ESCO1: variants seen among roughly 807,000 people sequenced by gnomAD.
ESCO1 encodes the protein establishment of sister chromatid cohesion N-acetyltransferase 1.
ESCO1 carries 33 observed loss-of-function variants against 83.5 expected under a neutral mutation model. The ratio of observed to expected loss-of-function variants is 0.40; its 90% CI spans 0.30 to 0.53. The LOEUF is 0.53. Among genes scored for constraint, ESCO1 ranks in the 20% least tolerant of loss-of-function variants. The pLI, the probability that ESCO1 is intolerant of heterozygous loss-of-function variation, is 0.63. For missense variants in ESCO1, 855 were observed against 968.0 expected, an observed-to-expected ratio of 0.88 and a Z score of 1.55; for synonymous variants, 332 against 324.3, an observed-to-expected ratio of 1.02 and a Z score of -0.25.
rs1417417091 is a variant in ESCO1 at position 21,573,680 on chromosome 18, GTTC to G, written c.1161_1163del (p.Lys387del). ...AGAGTTTAATTTTAGTCCAGTTGGA[GTTC>G]TTCTTGGCTGAGCTGTTTATTCCAT... is the stretch of plus-strand genomic sequence containing the variant. On this transcript the variant is annotated inframe_deletion, in exon 4 of 12. Coordinates refer to ENST00000269214, the MANE Select transcript of ESCO1 (RefSeq NM_052911.3). 1.9e-6 allele frequency: 3 copies of G among 1,614,084 alleles called. No homozygotes were observed. The highest frequency in any genetic ancestry group is 1.1e-5 in the South Asian group (1 of 91,068).
chr18:21,574,455 T>TCAA lies in ESCO1; in HGVS notation c.388_389insTTG (p.Thr129_Glu130insVal), dbSNP rs76680119. ...ACTGCGTAACGACCTTCTTGAAACC[T>TCAA]CTGTTAATTGTTGTAGCCTTTGTGA... On this transcript the variant is annotated inframe_insertion, in exon 4 of 12. Coordinates refer to ENST00000269214, the MANE Select transcript of ESCO1 (RefSeq NM_052911.3). The TCAA allele has an allele frequency of 1.8e-3, 2,958 of 1,614,170 alleles. 9 individuals carry two copies. The highest frequency in any genetic ancestry group is 2.4e-3 in the Non-Finnish European group (2,825 of 1,180,024).
Position 21,533,665 on chromosome 18 carries a change from C to A in ESCO1, c.2188-1005G>T, listed in dbSNP as rs1011373840. ...AACATTACATAGTTATCCTTCTAGT[C>A]TAAACACCGCTATAAGTCATTTATG... On this transcript the variant is annotated intron_variant, in intron 10 of 11. Coordinates refer to ENST00000269214, the MANE Select transcript of ESCO1 (RefSeq NM_052911.3). 2.0e-5 allele frequency among the ~76,000 whole-genome samples: 3 copies of A among 152,112 alleles called. No individual in the cohort carries two copies. The East Asian group carries it at 5.8e-4, about 29-fold the overall frequency.
intron 8 of ESCO1, among the ~76,000 whole-genome samples, chr18:21,551,430 CAAAAAAAGAAA>C (rs1389408512): frequency 6.7e-6 from 1 of 149,302 alleles, no homozygotes; most frequent in Non-Finnish European, 1.5e-5. Flanking sequence ...GACTCCGTCT[CAAAAAAAGAAA>C]AAAAAAAGAA....
rs979886746 is a variant in ESCO1 at position 21,561,805 on chromosome 18, C to T, written c.1822-815G>A. 8.6e-5 allele frequency among the ~76,000 whole-genome samples: 13 copies of T among 151,924 alleles called. No individual in the cohort carries two copies. In the East Asian group the frequency reaches 1.2e-3, roughly 14 times the overall value. On this transcript the variant is annotated intron_variant, in intron 7 of 11. Transcript: ENST00000269214. Reference sequence around the variant, plus strand: ...AGGCTGGTCTAGAACTGAGCTCAAGCGATCCTCCTGCCTCGGCCTCCTAAA... The same window carrying T: ...AGGCTGGTCTAGAACTGAGCTCAAGTGATCCTCCTGCCTCGGCCTCCTAAA...
chr18:21,587,756 G>A (rs1470381675), intron 1 of ESCO1, among the ~76,000 whole-genome samples: 1 of 152,062 alleles, frequency 6.6e-6, no homozygotes, highest in African/African-American at 2.4e-5. Context: ...GGGCAACACA[G>A]CAAGACCCTA....
chr18:21,570,482 A>G (rs1285336976), intron 4 of ESCO1, among the ~76,000 whole-genome samples: 1 of 152,240 alleles, frequency 6.6e-6, no homozygotes, highest in Non-Finnish European at 1.5e-5. Flanking sequence ...ATCAATAAGT[A>G]TCAAATATAA....
At chr18:21,597,299 C>T (rs947064518) in intron 1 of ESCO1, among the ~76,000 whole-genome samples, 1 of 152,072 alleles carries the variant, frequency 6.6e-6, no homozygotes, top group African/African-American at 2.4e-5. Context: ...AGGAGATTTA[C>T]AAAAATGTAA....
chr18:21,533,186 T>A (rs997732432), intron 10 of ESCO1, among the ~76,000 whole-genome samples: 6 of 151,920 alleles, frequency 3.9e-5, no homozygotes, highest in Non-Finnish European at 7.4e-5. Context: ...AAAAAAAAAA[T>A]ACCTTAAAAA....
rs140727395 is a variant in ESCO1, at chr18:21,546,508, C to T, written c.1954-6499G>A. ...ATATGTACTCAATAAATAACAGTTC[C>T]GATTATTACAGCAACTAAGCATTTT... On this transcript the variant is annotated intron_variant, in intron 8 of 11. Transcript: ENST00000269214. Among the ~76,000 whole-genome samples, 16 of 152,198 alleles carry T rather than the reference C, an allele frequency of 1.1e-4. No individual in the cohort carries two copies. The East Asian group carries it at 3.1e-3, about 29-fold the overall frequency.
chr18:21,578,587 G>A (rs1044884345), intron 2 of ESCO1, among the ~76,000 whole-genome samples: 3 of 152,048 alleles, frequency 2.0e-5, no homozygotes, highest in African/African-American at 7.2e-5. Flanking sequence ...CAGGTACAGT[G>A]GCATGTCTAT....
At chr18:21,589,441 A>G (rs1406108973) in intron 1 of ESCO1, among the ~76,000 whole-genome samples, 1 of 151,914 alleles carries the variant, frequency 6.6e-6, no homozygotes, top group Non-Finnish European at 1.5e-5. Flanking sequence ...TATTGCCCTT[A>G]AATAGTCTCC....
intron 2 of ESCO1, among the ~76,000 whole-genome samples, chr18:21,578,466 G>A (rs1439143248): frequency 1.3e-5 from 2 of 151,902 alleles, no homozygotes; most frequent in African/African-American, 4.8e-5. Context: ...GCCATTAACT[G>A]GACCTTTCAG....
chr18:21,592,688 G>A (rs1165861756), intron 1 of ESCO1, among the ~76,000 whole-genome samples: 1 of 151,688 alleles, frequency 6.6e-6, no homozygotes, highest in South Asian at 2.1e-4. Context: ...GCAGCTGCCG[G>A]GCGGAGACGC....
intron 1 of ESCO1, among the ~76,000 whole-genome samples, chr18:21,595,668 CA>C (rs1319432247): frequency 1.1e-3 from 89 of 82,984 alleles, no homozygotes; most frequent in Non-Finnish European, 7.1e-4. Context: ...ACTCCGACTC[CA>C]AAAAAAAAAA....
intron 1 of ESCO1, among the ~76,000 whole-genome samples, chr18:21,591,083 C>T (rs938572466): frequency 1.3e-5 from 2 of 152,116 alleles, no homozygotes; most frequent in Non-Finnish European, 2.9e-5. Flanking sequence ...GTGAATGTAT[C>T]TTATTTGGGG....
chr18:21,579,790 GCGCGCACACA>G lies in ESCO1; in HGVS notation c.-693-4023_-693-4014del, dbSNP rs1331806966. ...GATTCTGACACACACACACACGCGC[GCGCGCACACA>G]CACACACACACACACACACACACAC... On this transcript the variant is annotated intron_variant, in intron 2 of 11. Transcript: ENST00000269214. Among the ~76,000 whole-genome samples, 34 of 40,314 alleles carry G rather than the reference GCGCGCACACA, an allele frequency of 8.4e-4. 1 individual carries two copies. Among genetic ancestry groups the G allele is most frequent in the Non-Finnish European group, 2.1e-3 (25 of 12,062 alleles). 26.4% of individuals were successfully genotyped at this position (40,314 alleles called of 152,430 possible).
At chr18:21,597,031 TA>T (rs1445438427) in intron 1 of ESCO1, 1 of 152,142 alleles carries the variant, frequency 6.6e-6, no homozygotes, top group Non-Finnish European at 1.5e-5. Flanking sequence ...AGCAAAAGAT[TA>T]AAAGTACAAA....
rs116204371 is a variant in ESCO1 at position 21,586,586 on chromosome 18, T to C, written c.-824-2146A>G. ...TGTACACAAAACTAATTTTTGTACA[T>C]TGATCTTGTGTCCTGTAACGTTGTT... On this transcript the variant is annotated intron_variant, in intron 1 of 11. Coordinates refer to ENST00000269214, the MANE Select transcript of ESCO1 (RefSeq NM_052911.3). Among the ~76,000 whole-genome samples the C allele has an allele frequency of 8.1e-3, 1,229 of 152,370 alleles. 13 individuals are homozygous for C. Among genetic ancestry groups the C allele is most frequent in the African/African-American group, 0.028 (1,176 of 41,578 alleles).
chr18:21,541,067 T>C (rs2037899552), intron 8 of ESCO1, among the ~76,000 whole-genome samples: 1 of 152,114 alleles, frequency 6.6e-6, no homozygotes, highest in Admixed American at 6.6e-5. Flanking sequence ...AAGATCATAG[T>C]TGGGAACAAA....
Sources: allele counts gnomAD v4.1 joint callset (sites outside exome capture counted in the v4.1 genomes callset), GRCh38; gene constraint gnomAD v4.1.1; transcripts MANE v1.5; gene names NCBI Gene and HGNC (gene_info 2026-07-23, HGNC 2026-07-21).